COL25A1: variants seen among roughly 807,000 people sequenced by gnomAD.
The protein encoded by COL25A1 is collagen type XXV alpha 1 chain.
Under a neutral mutation model 128.4 loss-of-function variants are expected in COL25A1, and 103 were observed. That is an observed-to-expected ratio of 0.80 (90% confidence interval 0.68 to 0.94). COL25A1 has a LOEUF of 0.94. Among genes scored for constraint, COL25A1 ranks in the 40% least tolerant of loss-of-function variants. The probability of loss-of-function intolerance (pLI) is 0.00; values close to 1 mark genes in which losing one functional copy is unlikely to be tolerated. For synonymous variants in COL25A1, 279 were observed against 277.2 expected, an observed-to-expected ratio of 1.01 and a Z score of -0.06; for missense variants, 745 against 840.0, an observed-to-expected ratio of 0.89 and a Z score of 1.40.
chr4:109,005,157 C>A (rs1755839714), intron 6 of COL25A1, among the ~76,000 whole-genome samples: 1 of 152,100 alleles, frequency 6.6e-6, no homozygotes, highest in African/African-American at 2.4e-5. Context: ...AGCTTCCTTG[C>A]CAATCATGGT....
chr4:108,937,211 A>T (rs1747528287), intron 11 of COL25A1, among the ~76,000 whole-genome samples: 1 of 152,132 alleles, frequency 6.6e-6, no homozygotes, highest in African/African-American at 2.4e-5. Context: ...GGTTGAAGGA[A>T]TTCTACTCTT....
chr4:109,274,729 T>A (rs1260261468), intron 3 of COL25A1, among the ~76,000 whole-genome samples: 13 of 152,202 alleles, frequency 8.5e-5, no homozygotes, highest in Admixed American at 8.5e-4. Context: ...TGACATTTTA[T>A]ATATAACTAA....
intron 3 of COL25A1, among the ~76,000 whole-genome samples, chr4:109,279,943 C>T (rs1171309288): frequency 6.6e-6 from 1 of 152,110 alleles, no homozygotes; most frequent in Non-Finnish European, 1.5e-5. Context: ...AATTCTCAAT[C>T]TGATGATCCT....
At chr4:109,061,973 C>A (rs1043522529) in intron 3 of COL25A1, among the ~76,000 whole-genome samples, 1 of 152,182 alleles carries the variant, frequency 6.6e-6, no homozygotes, top group Admixed American at 6.5e-5. Flanking sequence ...GGTTGAGTTT[C>A]TTTTCTATGT....
chr4:109,298,435 G>A (rs1316107551), intron 3 of COL25A1, among the ~76,000 whole-genome samples: 2 of 152,014 alleles, frequency 1.3e-5, no homozygotes, highest in Non-Finnish European at 2.9e-5. Context: ...TCAAGGGGTG[G>A]GCATCTGTCC....
intron 6 of COL25A1, among the ~76,000 whole-genome samples, chr4:108,982,701 AG>A (rs1201685204): frequency 2.0e-5 from 3 of 152,174 alleles, no homozygotes; most frequent in African/African-American, 7.2e-5. Context: ...AAAGAGACCA[AG>A]CAGAGGGGGT....
At chr4:109,244,942 G>C (rs1290612626) in intron 3 of COL25A1, among the ~76,000 whole-genome samples, 3 of 151,806 alleles carry the variant, frequency 2.0e-5, no homozygotes, top group Admixed American at 6.6e-5. Flanking sequence ...TATTCAAATA[G>C]CCATAAACTA....
At position 108,844,808 on chromosome 4, in the gene COL25A1, G is replaced by A. The variant is rs565242836; in HGVS notation, c.1579-239C>T. ...AAATGAAAACTATGTTAAAAGAAAA[G>A]GAAGCAACTAATTACCAAGAAATGC... On this transcript the variant is annotated intron_variant, in intron 29 of 37. Transcript: ENST00000399132. 4.9e-4 allele frequency among the ~76,000 whole-genome samples: 74 copies of A among 152,060 alleles called. No individual in the cohort carries two copies. The Middle Eastern group carries it at 0.014, about 28-fold the overall frequency.
chr4:109,198,293 T>TACACAC (rs1226389090), intron 3 of COL25A1, among the ~76,000 whole-genome samples: 1 of 69,368 alleles, frequency 1.4e-5, no homozygotes, highest in Non-Finnish European at 3.6e-5. Flanking sequence ...TGCATATTCA[T>TACACAC]TCACACACAC....
intron 35 of COL25A1, chr4:108,823,848 T>C (rs1732057452): frequency 5.6e-6 from 7 of 1,244,208 alleles, no homozygotes; most frequent in Non-Finnish European, 7.2e-6. Context: ...TGCAGATTTG[T>C]GTCATTTAAT....
chr4:108,814,328 A>G (rs959608972), intron 37 of COL25A1, among the ~76,000 whole-genome samples: 1 of 152,220 alleles, frequency 6.6e-6, no homozygotes, highest in African/African-American at 2.4e-5. Flanking sequence ...GCATTACAAT[A>G]CAACTGTGGA....
chr4:108,834,192 C>T (rs565707548), intron 31 of COL25A1, among the ~76,000 whole-genome samples: 5 of 152,324 alleles, frequency 3.3e-5, no homozygotes, highest in African/African-American at 1.2e-4. Flanking sequence ...CCTCTGTCCA[C>T]CTTTCCCCCT....
intron 3 of COL25A1, among the ~76,000 whole-genome samples, chr4:109,089,558 G>A (rs1187898641): frequency 6.6e-6 from 1 of 152,110 alleles, no homozygotes; most frequent in Non-Finnish European, 1.5e-5. Flanking sequence ...AGATCTACTT[G>A]AGGCATATAG....
chr4:109,072,031 C>T (rs570013232), intron 3 of COL25A1, among the ~76,000 whole-genome samples: 28 of 152,258 alleles, frequency 1.8e-4, no homozygotes, highest in South Asian at 1.0e-3. Context: ...GGAACATTTT[C>T]GTGCAGATAG....
intron 3 of COL25A1, among the ~76,000 whole-genome samples, chr4:109,099,541 G>C (rs1765699601): frequency 1.3e-5 from 2 of 151,538 alleles, no homozygotes; most frequent in Admixed American, 6.6e-5. Flanking sequence ...ATAGAATTAT[G>C]GAACTTGTAG....
chr4:109,241,288 AT>A (rs1578524242), intron 3 of COL25A1, among the ~76,000 whole-genome samples: 1 of 151,982 alleles, frequency 6.6e-6, no homozygotes, highest in African/African-American at 2.4e-5. Context: ...TTTTTCCTCT[AT>A]TTTGAAGCTA....
chr4:109,275,379 A>ATCTCTAGC (rs1468079891), intron 3 of COL25A1, among the ~76,000 whole-genome samples: 96 of 152,292 alleles, frequency 6.3e-4, no homozygotes, highest in African/African-American at 2.2e-3. Context: ...GCTATGTGAC[A>ATCTCTAGC]TAAAAAGTTC....
chr4:109,031,980 A>G (rs1205488747), intron 5 of COL25A1, among the ~76,000 whole-genome samples: 2 of 152,182 alleles, frequency 1.3e-5, no homozygotes, highest in African/African-American at 4.8e-5. Flanking sequence ...TTCTGCCTTA[A>G]AATATAGGTA....
intron 3 of COL25A1, among the ~76,000 whole-genome samples, chr4:109,270,079 A>G (rs1782088008): frequency 6.6e-6 from 1 of 152,160 alleles, no homozygotes; most frequent in African/African-American, 2.4e-5. Flanking sequence ...TCAAAATAAT[A>G]AGAGCTATCT....
Sources: gnomAD v4.1 joint callset for allele counts (sites outside exome capture counted in the v4.1 genomes callset) on GRCh38, gnomAD v4.1.1 for gene constraint, MANE v1.5 for transcripts, NCBI Gene and HGNC (gene_info 2026-07-23, HGNC 2026-07-21) for gene names.